The following PCNX2 variants were observed in gnomAD, a reference collection of about 807,000 sequenced individuals.
The protein encoded by PCNX2 is pecanex-like protein 2.
In PCNX2, 168 loss-of-function variants were observed where a neutral mutation model predicts 223.8. That is an observed-to-expected ratio of 0.75 (90% CI 0.66 to 0.85). The LOEUF is 0.85. PCNX2 is among the 40% of genes least tolerant of loss of function. PCNX2 has a pLI of 0.00. For missense variants in PCNX2, 2,507 were observed against 2,675.5 expected, an observed-to-expected ratio of 0.94 and a Z score of 1.39; for synonymous variants, 1,006 against 1,052.6, an observed-to-expected ratio of 0.96 and a Z score of 0.86.
chr1:233,292,049 T>C, intron 1 of PCNX2: 1 of 959,064 alleles, frequency 1.0e-6, no homozygotes, highest in Admixed American at 6.2e-5. Flanking sequence ...AATTAATCAC[T>C]ATTTTCCACA....
chr1:233,321,580 G>A, the PCNX2 span, among the ~76,000 whole-genome samples: 4 of 152,210 alleles, frequency 2.6e-5, no homozygotes, highest in East Asian at 7.7e-4. Context: ...TTATAGGCAT[G>A]AGCCACCACG....
chr1:233,250,901 C>T (rs538297075), intron 7 of PCNX2, 69 bp from the exon 8 acceptor site: 5 of 1,467,816 alleles, frequency 3.4e-6, no homozygotes, highest in Admixed American at 4.8e-5. Context: ...TCAACTTATA[C>T]AATTTTCAAG....
rs919230360 is a variant in PCNX2, at chr1:233,294,069, A to C, written c.153+1257T>G. The C allele has an allele frequency of 3.5e-6, 3 of 859,582 alleles. No individual in the cohort carries two copies. The African/African-American group carries it at 5.5e-5, about 16-fold the overall frequency. The allele number at this position is 859,582 out of a possible 1,614,324, so 53.2% of individuals were successfully genotyped here. On this transcript the variant is annotated intron_variant, in intron 1 of 33. Transcript: ENST00000258229. ...ATAATTTTGGTTAATTTTTCTGTGA[A>C]GTGGTGATTGTGATGATCACATCCG...
chr1:233,007,552 T>TGTA (rs1265019259), intron 28 of PCNX2, among the ~76,000 whole-genome samples: 1 of 152,172 alleles, frequency 6.6e-6, no homozygotes, highest in Non-Finnish European at 1.5e-5. Flanking sequence ...TTATTTATTT[T>TGTA]TTTGAGACGG....
At chr1:233,101,133 G>A (rs1200687673) in intron 21 of PCNX2, among the ~76,000 whole-genome samples, 1 of 152,184 alleles carries the variant, frequency 6.6e-6, no homozygotes, top group Non-Finnish European at 1.5e-5. Context: ...TTAATGAATT[G>A]AGGAGGGAGC....
At chr1:233,112,885 C>T in intron 21 of PCNX2, 3 of 1,289,116 alleles carry the variant, frequency 2.3e-6, no homozygotes, top group Non-Finnish European at 3.0e-6. Flanking sequence ...GCGTGTATTT[C>T]AGCCCCTCCC....
At chr1:233,272,116 G>A (rs1317888446) in intron 1 of PCNX2, among the ~76,000 whole-genome samples, 2 of 152,036 alleles carry the variant, frequency 1.3e-5, no homozygotes, top group African/African-American at 4.8e-5. Flanking sequence ...AAAAGCAAAC[G>A]CAACAAAAGC....
chr1:233,007,515 T>C (rs113094964), intron 28 of PCNX2, among the ~76,000 whole-genome samples: 3,491 of 152,220 alleles, frequency 0.023, 146 homozygotes, highest in African/African-American at 0.079. Context: ...TTTTATAATG[T>C]GTAACTGGAG....
At chr1:233,164,963 T>C (rs1192363834) in intron 17 of PCNX2, among the ~76,000 whole-genome samples, 2 of 152,142 alleles carry the variant, frequency 1.3e-5, no homozygotes, top group African/African-American at 4.8e-5. Context: ...TACAGGATAG[T>C]AGGAAGACAA....
In PCNX2 at chr1:233,070,640, A is replaced by C. The variant is rs529016158; in HGVS notation, c.4077-13350T>G. On this transcript the variant is annotated intron_variant, in intron 23 of 33. Coordinates refer to ENST00000258229, the MANE Select transcript of PCNX2 (RefSeq NM_014801.4). ...ATATGCATGTAGATAAACACAGAAA[A>C]AGCAAATGACAAGACCCAATACTAT... is the stretch of plus-strand genomic sequence containing the variant. Among the ~76,000 whole-genome samples, 219 of 152,090 alleles carry C rather than the reference A, an allele frequency of 1.4e-3. 1 individual carries two copies. The highest frequency in any genetic ancestry group is 5.0e-3 in the African/African-American group (209 of 41,512).
At chr1:233,209,236 A>G (rs904492834) in intron 12 of PCNX2, among the ~76,000 whole-genome samples, 2 of 152,246 alleles carry the variant, frequency 1.3e-5, no homozygotes, top group African/African-American at 4.8e-5. Context: ...TCAGCTTAAA[A>G]AAAGTGTTAT....
intron 21 of PCNX2, among the ~76,000 whole-genome samples, chr1:233,117,112 A>T (rs1045097488): frequency 3.9e-5 from 6 of 152,232 alleles, no homozygotes; most frequent in African/African-American, 1.4e-4. Context: ...TAATTTAAAT[A>T]TCCCTACAAC....
At chr1:233,284,990 A>G (rs1038684900) in intron 1 of PCNX2, 14 of 985,376 alleles carry the variant, frequency 1.4e-5, no homozygotes, top group Non-Finnish European at 1.7e-5. Flanking sequence ...CTAACTACCT[A>G]TAATGAGCAG....
chr1:233,241,936 C>A (rs1377348827), intron 8 of PCNX2, among the ~76,000 whole-genome samples: 1 of 152,038 alleles, frequency 6.6e-6, no homozygotes, highest in Non-Finnish European at 1.5e-5. Flanking sequence ...TATTTATTGC[C>A]GTTTTCTGCC....
At chr1:233,245,784 C>T (rs540720912) in intron 8 of PCNX2, among the ~76,000 whole-genome samples, 10 of 152,074 alleles carry the variant, frequency 6.6e-5, no homozygotes, top group East Asian at 1.9e-4. Context: ...GCTGTGGTGG[C>T]GCGCGCCTGT....
chr1:233,077,917 G>A (rs1673170353), intron 23 of PCNX2, among the ~76,000 whole-genome samples: 1 of 152,160 alleles, frequency 6.6e-6, no homozygotes, highest in Non-Finnish European at 1.5e-5. Flanking sequence ...ATGGAGTGGA[G>A]ATGATGACAG....
intron 23 of PCNX2, among the ~76,000 whole-genome samples, chr1:233,086,441 A>C (rs1427859119): frequency 6.6e-6 from 1 of 152,122 alleles, no homozygotes; most frequent in Non-Finnish European, 1.5e-5. Flanking sequence ...GTGGATCACA[A>C]GGTCAGGAGA....
intron 9 of PCNX2, among the ~76,000 whole-genome samples, chr1:233,231,998 A>G (rs1052932208): frequency 2.4e-4 from 36 of 152,332 alleles, no homozygotes; most frequent in African/African-American, 7.2e-4. Context: ...ATATGAGAGT[A>G]CCTAGCCCAG....
At chr1:233,238,629 G>A (rs1342362616) in intron 8 of PCNX2, among the ~76,000 whole-genome samples, 1 of 149,436 alleles carries the variant, frequency 6.7e-6, no homozygotes, top group Non-Finnish European at 1.5e-5. Context: ...GGAGGTCTAG[G>A]CTGCAGTAAG....
Sources: allele counts gnomAD v4.1 joint callset (sites outside exome capture counted in the v4.1 genomes callset), GRCh38; gene constraint gnomAD v4.1.1; transcripts MANE v1.5; gene names NCBI Gene and HGNC (gene_info 2026-07-23, HGNC 2026-07-21).